GSG1L: variants seen among roughly 807,000 people sequenced by gnomAD.
GSG1L encodes GSG1 like.
A neutral mutation model predicts 42.1 loss-of-function variants in GSG1L; 24 were observed. The observed-to-expected ratio is 0.57, with a 90% CI of 0.41 to 0.80. GSG1L has a LOEUF of 0.80. GSG1L is among the 30% of genes least tolerant of loss of function. The probability of loss-of-function intolerance (pLI) is 0.00; values close to 1 mark genes in which losing one functional copy is unlikely to be tolerated. For missense variants in GSG1L, 445 were observed against 472.2 expected, an observed-to-expected ratio of 0.94 and a Z score of 0.53; for synonymous variants, 215 against 203.5, an observed-to-expected ratio of 1.06 and a Z score of -0.48.
intron 1 of GSG1L, among the ~76,000 whole-genome samples, chr16:28,004,079 G>A (rs1221746676): frequency 6.6e-6 from 1 of 152,172 alleles, no homozygotes; most frequent in East Asian, 1.9e-4. Flanking sequence ...AGCCCGAGGC[G>A]CCTGTGTGCA....
chr16:28,048,333 G>A (rs1274418130), intron 1 of GSG1L, among the ~76,000 whole-genome samples: 16 of 149,832 alleles, frequency 1.1e-4, no homozygotes, highest in African/African-American at 3.9e-4. Context: ...AAACATTTAC[G>A]AAAAAAAAAT....
At chr16:28,058,312 G>A (rs2086301489) in intron 1 of GSG1L, among the ~76,000 whole-genome samples, 1 of 152,122 alleles carries the variant, frequency 6.6e-6, no homozygotes, top group African/African-American at 2.4e-5. Flanking sequence ...CACCTCGTAG[G>A]GCTATTATGC....
At position 28,063,412 on chromosome 16, in the gene GSG1L, G is replaced by T; in HGVS notation, c.13C>A (p.Arg5Ser). The change falls in exon 1 of 7, where the codon CGC becomes AGC. Residue 5 changes from arginine to serine, a missense_variant. Arg to Ser is a moderately radical substitution (Grantham distance 110). Coordinates refer to ENST00000447459, the MANE Select transcript of GSG1L (RefSeq NM_001109763.2). The surrounding 1 kb of genome is among the most constrained non-coding windows in gnomAD (Gnocchi z 5.8). ...ACGGCCAGGAGCGCTCGGCCGCGGC[G>T]GCTAGTCTTCATGCCGCCCGCGCCG... MKTS[R>S]RGRALLAVAL... 8 of 1,306,552 alleles carry T rather than the reference G, an allele frequency of 6.1e-6. No individual in the cohort carries two copies. The highest frequency in any genetic ancestry group is 6.9e-6 in the Non-Finnish European group (7 of 1,020,758). The allele number at this position is 1,306,552 out of a possible 1,614,324, so 80.9% of individuals were successfully genotyped here.
At chr16:28,001,104 A>C (rs1208913712) in intron 1 of GSG1L, among the ~76,000 whole-genome samples, 1 of 152,188 alleles carries the variant, frequency 6.6e-6, no homozygotes, top group Non-Finnish European at 1.5e-5. Context: ...CAGACAAAAA[A>C]GGAAAAGAAA....
chr16:27,957,075 G>T (rs2085014079), intron 2 of GSG1L, among the ~76,000 whole-genome samples: 1 of 152,232 alleles, frequency 6.6e-6, no homozygotes, highest in African/African-American at 2.4e-5. Flanking sequence ...TCAACTGGGT[G>T]CGGTGGCTCA....
chr16:27,825,372 T>C (rs8182215), intron 5 of GSG1L, among the ~76,000 whole-genome samples: 17,864 of 152,148 alleles, frequency 0.12, 1,345 homozygotes, highest in Admixed American at 0.24. Context: ...TCAGGTGCTA[T>C]GAAAAAATAG....
chr16:27,922,728 G>C (rs2084539911), intron 2 of GSG1L, among the ~76,000 whole-genome samples: 2 of 152,160 alleles, frequency 1.3e-5, no homozygotes, highest in South Asian at 2.1e-4. Flanking sequence ...CAGACAGGTA[G>C]AGCCATCCCA....
At chr16:27,896,316 G>C (rs182973661) in intron 2 of GSG1L, among the ~76,000 whole-genome samples, 18 of 152,324 alleles carry the variant, frequency 1.2e-4, no homozygotes, top group African/African-American at 4.1e-4. Flanking sequence ...GGGGCTGGCT[G>C]AATAAGGGCT....
intron 2 of GSG1L, among the ~76,000 whole-genome samples, chr16:27,941,917 A>G (rs2084802432): frequency 6.6e-6 from 1 of 152,146 alleles, no homozygotes; most frequent in Non-Finnish European, 1.5e-5. Context: ...AGAGATAGGA[A>G]GTAGAATGGT....
chr16:27,904,904 A>G (rs1481720189), intron 2 of GSG1L, among the ~76,000 whole-genome samples: 1 of 152,222 alleles, frequency 6.6e-6, no homozygotes, highest in East Asian at 1.9e-4. Flanking sequence ...GGATGGTCAC[A>G]TCCCAGGAGA....
At chr16:28,022,447 G>A (rs944449744) in intron 1 of GSG1L, among the ~76,000 whole-genome samples, 7 of 151,850 alleles carry the variant, frequency 4.6e-5, no homozygotes, top group Admixed American at 2.6e-4. Context: ...CAAGTAGCCA[G>A]GACTACAGGT....
chr16:28,045,635 C>G (rs1039801680), intron 1 of GSG1L, among the ~76,000 whole-genome samples: 2 of 152,158 alleles, frequency 1.3e-5, no homozygotes, highest in South Asian at 2.1e-4. Flanking sequence ...CGAGACCACA[C>G]CATTGCACCC....
intron 1 of GSG1L, among the ~76,000 whole-genome samples, chr16:27,973,107 G>C (rs1364902602): frequency 6.6e-6 from 1 of 152,084 alleles, no homozygotes; most frequent in East Asian, 1.9e-4. Flanking sequence ...TAGGGGTCTT[G>C]TGAAGACTCA....
intron 3 of GSG1L, among the ~76,000 whole-genome samples, chr16:27,850,172 GTGC>G (rs2083493767): frequency 6.6e-6 from 1 of 151,574 alleles, no homozygotes; most frequent in Non-Finnish European, 1.5e-5. Flanking sequence ...GGGATTACAG[GTGC>G]CACCACTACA....
At chr16:27,879,736 A>G (rs1216846722) in intron 3 of GSG1L, among the ~76,000 whole-genome samples, 2 of 152,122 alleles carry the variant, frequency 1.3e-5, no homozygotes, top group Non-Finnish European at 2.9e-5. Flanking sequence ...AATACAATGT[A>G]AATGATATGT....
rs533864467 is a variant in GSG1L, at chr16:27,855,590, G to A, written c.551-10529C>T. Among the ~76,000 whole-genome samples the A allele has an allele frequency of 8.4e-4, 128 of 151,856 alleles. 2 individuals carry two copies. Among genetic ancestry groups the A allele is most frequent in the South Asian group, 5.4e-3 (26 of 4,786 alleles). On this transcript the variant is annotated intron_variant, in intron 3 of 6. Coordinates refer to ENST00000447459, the MANE Select transcript of GSG1L (RefSeq NM_001109763.2). Reference sequence around the variant, plus strand: ...CAAATATTAGCCAGGTGTGGTAGCCGGTGCCTGTAATCCCAGCTACTCGGG... The same window carrying A: ...CAAATATTAGCCAGGTGTGGTAGCCAGTGCCTGTAATCCCAGCTACTCGGG...
intron 1 of GSG1L, among the ~76,000 whole-genome samples, chr16:28,002,912 G>T (rs915866147): frequency 5.3e-5 from 8 of 152,126 alleles, no homozygotes; most frequent in African/African-American, 1.7e-4. Context: ...CTCCAGCCTG[G>T]GTGACAGAGC....
chr16:27,965,979 C>T (rs1455679607), intron 1 of GSG1L, among the ~76,000 whole-genome samples: 1 of 152,214 alleles, frequency 6.6e-6, no homozygotes, highest in Non-Finnish European at 1.5e-5. Context: ...TCTTTCCCTC[C>T]TGTCTTCCCC....
At chr16:27,817,348 T>G (rs2083107218) in intron 5 of GSG1L, among the ~76,000 whole-genome samples, 1 of 152,200 alleles carries the variant, frequency 6.6e-6, no homozygotes, top group Non-Finnish European at 1.5e-5. Context: ...TGTGCCATCC[T>G]CAAGGCCAGC....
Sources: gnomAD v4.1 joint callset for allele counts (sites outside exome capture counted in the v4.1 genomes callset) on GRCh38, gnomAD v4.1.1 for gene constraint, Gnocchi (gnomAD v3.1) non-coding constraint, MANE v1.5 for transcripts, NCBI Gene and HGNC (gene_info 2026-07-23, HGNC 2026-07-21) for gene names.